ATXN7L1: variants seen among roughly 807,000 people sequenced by gnomAD.
ATXN7L1 encodes ataxin-7-like protein 1.
A neutral mutation model predicts 70.8 loss-of-function variants in ATXN7L1; 15 were observed. That is an observed-to-expected ratio of 0.21 (90% CI 0.14 to 0.33). The LOEUF (loss-of-function observed/expected upper bound fraction) is 0.33. Ranked by LOEUF, ATXN7L1 falls within the 10% of genes least tolerant of loss-of-function variation. ATXN7L1 has a pLI of 1.00. For missense variants in ATXN7L1, 975 were observed against 1,097.1 expected (o/e 0.89, Z 1.57); for synonymous variants, 440 against 445.1 (o/e 0.99, Z 0.14).
intron 8 of ATXN7L1, among the ~76,000 whole-genome samples, chr7:105,620,676 C>T (rs1794785059): frequency 6.6e-6 from 1 of 152,080 alleles, no homozygotes; most frequent in Non-Finnish European, 1.5e-5. Flanking sequence ...GGGCGGATCA[C>T]TTGAGGTCAG....
At position 105,638,248 on chromosome 7, in the gene ATXN7L1, T is replaced by C. The variant is rs530507362; in HGVS notation, c.1202+105A>G. ...TACTACTTGCCTTAGGAAGTAGTAC[T>C]ATTATGATTTCCATTTAACATATAA... On this transcript the variant is annotated intron_variant, in intron 7 of 11. Coordinates refer to ENST00000419735, the MANE Select transcript of ATXN7L1 (RefSeq NM_020725.2). 104 of 1,377,194 alleles carry C rather than the reference T, an allele frequency of 7.6e-5. 2 individuals are homozygous for C. The South Asian group carries it at 1.5e-3, about 20-fold the overall frequency. The allele number at this position is 1,377,194 out of a possible 1,614,324, so 85.3% of individuals were successfully genotyped here. A position where few individuals can be genotyped will look rare whatever the true frequency, so the allele number is the denominator to read the frequency against.
At chr7:105,745,114 A>G (rs1798434459) in intron 3 of ATXN7L1, among the ~76,000 whole-genome samples, 1 of 152,188 alleles carries the variant, frequency 6.6e-6, no homozygotes, top group Admixed American at 6.5e-5. Flanking sequence ...TTTCCTGATA[A>G]TTGTACTCTG....
In ATXN7L1 at chr7:105,607,771, C is replaced by T. The variant is rs1792822044; in HGVS notation, c.*81G>A. On this transcript the variant is annotated 3_prime_UTR_variant, in exon 12 of 12. Coordinates refer to ENST00000419735, the MANE Select transcript of ATXN7L1 (RefSeq NM_020725.2). ...AAACAGACTCTCCCCCCAGCCCACT[C>T]CCCTCCCTCCTCCTCCCCATGGCCT... The T allele has an allele frequency of 7.6e-7, 1 of 1,324,018 alleles. No individual in the cohort carries two copies. The allele number at this position is 1,324,018 out of a possible 1,614,324, so 82.0% of individuals were successfully genotyped here. A position where few individuals can be genotyped will look rare whatever the true frequency, so the allele number is the denominator to read the frequency against.
rs556048408 is a variant in ATXN7L1 at position 105,740,784 on chromosome 7, T to TTTTTTTTTTTTTTTTTTTTTTTTTGAGAC, written c.355+47819_355+47820insGTCTCAAAAAAAAAAAAAAAAAAAAAAAA. Reference sequence around the variant, plus strand: ...GGCTCCATTCATTTTTTTTTTTTTTTAATGGAGTCTCACTCTGTCGCCCAG... The same window carrying TTTTTTTTTTTTTTTTTTTTTTTTTGAGAC: ...GGCTCCATTCATTTTTTTTTTTTTTTTTTTTTTTTTTTTTTTTTTTTTTTGAGACAATGGAGTCTCACTCTGTCGCCCAG... On this transcript the variant is annotated intron_variant, in intron 3 of 11. Transcript: ENST00000419735. Among the ~76,000 whole-genome samples the TTTTTTTTTTTTTTTTTTTTTTTTTGAGAC allele has an allele frequency of 2.6e-5, 2 of 77,926 alleles. 1 individual carries two copies. The highest frequency in any genetic ancestry group is 1.2e-4 in the African/African-American group (2 of 16,332). 51.1% of individuals were successfully genotyped at this position (77,926 alleles called of 152,430 possible). A position where few individuals can be genotyped will look rare whatever the true frequency, so the allele number is the denominator to read the frequency against.
At chr7:105,857,749 C>T (rs1178605578) in intron 2 of ATXN7L1, among the ~76,000 whole-genome samples, 2 of 152,218 alleles carry the variant, frequency 1.3e-5, no homozygotes, top group African/African-American at 4.8e-5. Flanking sequence ...GATTGGATCA[C>T]ACTTTACTTC....
chr7:105,750,731 A>G (rs946011894), intron 3 of ATXN7L1, among the ~76,000 whole-genome samples: 5 of 152,168 alleles, frequency 3.3e-5, no homozygotes, highest in Admixed American at 3.3e-4. Flanking sequence ...TGAACCCGGG[A>G]CGTGGAGGTT....
At position 105,614,664 on chromosome 7, in the gene ATXN7L1, A is replaced by G; in HGVS notation, c.1670T>C (p.Ile557Thr). The G allele has an allele frequency of 6.4e-7, 1 of 1,551,698 alleles. No homozygotes were observed. Among genetic ancestry groups the G allele is most frequent in the Non-Finnish European group, 8.7e-7 (1 of 1,147,004 alleles). Residue 557 changes from isoleucine to threonine, a missense_variant, in exon 10 of 12, where the codon ATA becomes ACA. Ile to Thr is a moderately conservative substitution (Grantham distance 89, BLOSUM62 -1). Coordinates refer to ENST00000419735, the MANE Select transcript of ATXN7L1 (RefSeq NM_020725.2). The surrounding 1 kb of genome is among the most constrained non-coding windows in gnomAD (Gnocchi z 4.3). ...PISSRLTSSY[I>T]MTSAMLSNAA... ...GTTTGAGAGCATGGCTGATGTCATT[A>G]TGTAAGAAGAGGTGAGCCTCGAGCT...
intron 3 of ATXN7L1, among the ~76,000 whole-genome samples, chr7:105,778,725 G>A (rs1456791241): frequency 6.6e-6 from 1 of 152,106 alleles, no homozygotes. Context: ...CTGCTCATTT[G>A]TTGGGGATAA....
chr7:105,608,787 T>C lies in ATXN7L1; in HGVS notation c.2548-897A>G, dbSNP rs139978643. Among the ~76,000 whole-genome samples the C allele has an allele frequency of 4.9e-3, 739 of 152,326 alleles. 4 individuals are homozygous for C. The highest frequency in any genetic ancestry group is 0.017 in the African/African-American group (704 of 41,560). ...CTTTACCCAAACTCTACCCAAGATT[T>C]GTGGGAAAATCCCAAAGGGCAAAAT... On this transcript the variant is annotated intron_variant, in intron 11 of 11. Transcript: ENST00000419735.
intron 2 of ATXN7L1, among the ~76,000 whole-genome samples, chr7:105,854,587 T>C (rs573082191): frequency 6.6e-6 from 1 of 150,476 alleles, no homozygotes; most frequent in East Asian, 1.9e-4. Flanking sequence ...AACCTCAAAA[T>C]TGCTTTCTTC....
At chr7:105,641,853 T>C (rs1798305831) in intron 5 of ATXN7L1, among the ~76,000 whole-genome samples, 1 of 152,208 alleles carries the variant, frequency 6.6e-6, no homozygotes, top group Non-Finnish European at 1.5e-5. Context: ...TTTTCAGACA[T>C]AATTTTAAAA....
At chr7:105,765,789 G>T (rs1042720785) in intron 3 of ATXN7L1, among the ~76,000 whole-genome samples, 1 of 152,162 alleles carries the variant, frequency 6.6e-6, no homozygotes, top group African/African-American at 2.4e-5. Context: ...GCCTGTGTAA[G>T]AATCCGATCC....
chr7:105,827,957 T>A (rs1487437640), intron 2 of ATXN7L1, among the ~76,000 whole-genome samples: 1 of 152,200 alleles, frequency 6.6e-6, no homozygotes, highest in Non-Finnish European at 1.5e-5. Context: ...ATATGTCAGT[T>A]CAGGGCAGAC....
intron 2 of ATXN7L1, chr7:105,819,709 TC>T (rs1375469312): frequency 4.5e-6 from 4 of 897,590 alleles, no homozygotes; most frequent in Non-Finnish European, 7.4e-6. Context: ...CCCTACCACT[TC>T]CGGGCCTCTA....
At chr7:105,686,893 A>G (rs1425663886) in intron 3 of ATXN7L1, among the ~76,000 whole-genome samples, 1 of 152,212 alleles carries the variant, frequency 6.6e-6, no homozygotes, top group Non-Finnish European at 1.5e-5. Context: ...TTAACAGATC[A>G]GGGAGTTGGC....
chr7:105,774,631 T>G (rs925778519), intron 3 of ATXN7L1, among the ~76,000 whole-genome samples: 23 of 152,170 alleles, frequency 1.5e-4, no homozygotes, highest in Middle Eastern at 3.4e-3. Flanking sequence ...AAGATTACAG[T>G]GTGAACCACC....
At chr7:105,737,523 G>A (rs886711983) in intron 3 of ATXN7L1, among the ~76,000 whole-genome samples, 7 of 134,414 alleles carry the variant, frequency 5.2e-5, no homozygotes, top group South Asian at 2.6e-4. Flanking sequence ...GCCTACTAAC[G>A]TCCCCGTGTG....
At chr7:105,778,529 A>AACAAAAAAC (rs1554460026) in intron 3 of ATXN7L1, among the ~76,000 whole-genome samples, 1 of 141,912 alleles carries the variant, frequency 7.0e-6, no homozygotes, top group African/African-American at 2.6e-5. Context: ...AAAAAAAAAA[A>AACAAAAAAC]AAAAAACAAA....
chr7:105,759,047 C>T (rs1296801687), intron 3 of ATXN7L1, among the ~76,000 whole-genome samples: 3 of 151,970 alleles, frequency 2.0e-5, no homozygotes, highest in Non-Finnish European at 4.4e-5. Flanking sequence ...CTCCTTTCCC[C>T]ATAAACCCAT....
Sources: allele counts gnomAD v4.1 joint callset (sites outside exome capture counted in the v4.1 genomes callset), GRCh38; gene constraint gnomAD v4.1.1; non-coding constraint Gnocchi (gnomAD v3.1); transcripts MANE v1.5; gene names NCBI Gene and HGNC (gene_info 2026-07-23, HGNC 2026-07-21).